The following XYLT1 variants were observed in gnomAD, a reference collection of about 807,000 sequenced individuals.
XYLT1 encodes xylosyltransferase 1.
Under a neutral mutation model 91.3 loss-of-function variants are expected in XYLT1, and 36 were observed. That is an observed-to-expected ratio of 0.39 (90% CI 0.30 to 0.52). XYLT1 has a LOEUF of 0.52. Among genes scored for constraint, XYLT1 ranks in the 20% least tolerant of loss-of-function variants. The pLI is 0.68. For missense variants in XYLT1, 1,242 were observed against 1,284.5 expected, an observed-to-expected ratio of 0.97 and a Z score of 0.51; for synonymous variants, 588 against 532.0, an observed-to-expected ratio of 1.11 and a Z score of -1.45.
chr16:17,385,386 C>G (rs1488050013), intron 1 of XYLT1, among the ~76,000 whole-genome samples: 3 of 151,622 alleles, frequency 2.0e-5, no homozygotes, highest in African/African-American at 4.8e-5. Flanking sequence ...CTTGTGTGCT[C>G]TTTTCAGCTA....
chr16:17,143,018 A>G (rs1055555390), intron 6 of XYLT1, among the ~76,000 whole-genome samples: 2 of 152,146 alleles, frequency 1.3e-5, no homozygotes, highest in African/African-American at 4.8e-5. Context: ...AACTATATAC[A>G]TATAATCATC....
At chr16:17,457,375 C>G (rs1260498509) in intron 1 of XYLT1, among the ~76,000 whole-genome samples, 1 of 152,164 alleles carries the variant, frequency 6.6e-6, no homozygotes, top group Non-Finnish European at 1.5e-5. Flanking sequence ...AATAAACAGT[C>G]AGTTTCCTCC....
rs149785712 is a variant in XYLT1, at chr16:17,224,410, A to G, written c.914-23756T>C. On this transcript the variant is annotated intron_variant, in intron 3 of 11. Coordinates refer to ENST00000261381, the MANE Select transcript of XYLT1 (RefSeq NM_022166.4). The stretch of plus-strand genomic sequence containing the variant: ...TAATCACCCTTTGGGGGCAAGAGCC[A>G]TCTGTGATTTGGCTTGTTTTCTTTC... Among the ~76,000 whole-genome samples, 892 of 152,360 alleles carry G rather than the reference A, an allele frequency of 5.9e-3. 5 individuals are homozygous for G. The highest frequency in any genetic ancestry group is 0.01 in the Non-Finnish European group (703 of 68,026).
At chr16:17,162,884 G>T (rs1458417026) in intron 5 of XYLT1, among the ~76,000 whole-genome samples, 1 of 152,166 alleles carries the variant, frequency 6.6e-6, no homozygotes, top group Non-Finnish European at 1.5e-5. Context: ...GCTCCTCATG[G>T]TTTCTTCTGG....
intron 1 of XYLT1, among the ~76,000 whole-genome samples, chr16:17,364,684 A>G (rs1236394024): frequency 6.6e-6 from 1 of 152,184 alleles, no homozygotes; most frequent in Non-Finnish European, 1.5e-5. Flanking sequence ...CAACGCTGCC[A>G]AGGGAGGTAT....
At chr16:17,234,691 T>C (rs1397662652) in intron 3 of XYLT1, among the ~76,000 whole-genome samples, 1 of 135,110 alleles carries the variant, frequency 7.4e-6, no homozygotes, top group Non-Finnish European at 1.6e-5. Flanking sequence ...CTGAGCCATG[T>C]GATAAAATAA....
chr16:17,415,334 G>A (rs1293148908), intron 1 of XYLT1, among the ~76,000 whole-genome samples: 3 of 152,198 alleles, frequency 2.0e-5, no homozygotes, highest in African/African-American at 7.2e-5. Flanking sequence ...CAACACTGCT[G>A]GAATCCGAGT....
intron 2 of XYLT1, among the ~76,000 whole-genome samples, chr16:17,349,914 C>T (rs2035196485): frequency 6.6e-6 from 1 of 151,880 alleles, no homozygotes; most frequent in South Asian, 2.1e-4. Flanking sequence ...CGCTCTGTTG[C>T]CCAGGCTGGA....
intron 2 of XYLT1, among the ~76,000 whole-genome samples, chr16:17,334,001 T>C (rs2034941797): frequency 6.6e-6 from 1 of 152,148 alleles, no homozygotes; most frequent in Non-Finnish European, 1.5e-5. Context: ...ACAAAAGGTA[T>C]GGAGAGAACT....
At chr16:17,328,383 C>T (rs1756836843) in intron 2 of XYLT1, among the ~76,000 whole-genome samples, 1 of 151,524 alleles carries the variant, frequency 6.6e-6, no homozygotes, top group South Asian at 2.1e-4. Flanking sequence ...CCCGTCTCTA[C>T]TAAAAATACA....
chr16:17,410,556 T>A (rs1224695898), intron 1 of XYLT1, among the ~76,000 whole-genome samples: 1 of 151,994 alleles, frequency 6.6e-6, no homozygotes, highest in Non-Finnish European at 1.5e-5. Context: ...TCCCACTGGG[T>A]TCCTCCCACG....
intron 2 of XYLT1, among the ~76,000 whole-genome samples, chr16:17,306,886 T>C (rs2034478820): frequency 6.6e-6 from 1 of 152,138 alleles, no homozygotes; most frequent in African/African-American, 2.4e-5. Context: ...AGAGGAAGAA[T>C]CTGAGGCCCA....
intron 1 of XYLT1, among the ~76,000 whole-genome samples, chr16:17,433,003 C>T (rs1240021746): frequency 6.6e-6 from 1 of 152,198 alleles, no homozygotes; most frequent in Admixed American, 6.5e-5. Context: ...AAACCCACAG[C>T]CTCCAATCCC....
At chr16:17,247,972 T>G (rs1488452193) in intron 3 of XYLT1, among the ~76,000 whole-genome samples, 1 of 152,140 alleles carries the variant, frequency 6.6e-6, no homozygotes, top group Non-Finnish European at 1.5e-5. Context: ...AGAGAGAGGA[T>G]GTGAGACCTG....
chr16:17,165,247 C>T (rs1025660419), intron 5 of XYLT1, among the ~76,000 whole-genome samples: 4 of 152,108 alleles, frequency 2.6e-5, no homozygotes, highest in African/African-American at 7.2e-5. Flanking sequence ...GAGGTAGATG[C>T]TATTATATTT....
intron 2 of XYLT1, among the ~76,000 whole-genome samples, chr16:17,319,144 CA>C (rs1260224011): frequency 1.3e-5 from 2 of 152,000 alleles, no homozygotes; most frequent in Non-Finnish European, 2.9e-5. Flanking sequence ...TTTTAAGCCT[CA>C]GTTTTCAAGT....
intron 3 of XYLT1, among the ~76,000 whole-genome samples, chr16:17,218,018 C>G (rs1218556792): frequency 2.0e-5 from 3 of 151,696 alleles, no homozygotes; most frequent in African/African-American, 4.8e-5. Flanking sequence ...GCCTGTAATC[C>G]CAGCACTTTG....
chr16:17,379,728 ATCTCTCTCTCTCTC>A lies in XYLT1; in HGVS notation c.364-21692_364-21679del, dbSNP rs71137986. Among the ~76,000 whole-genome samples the A allele has an allele frequency of 6.4e-5, 8 of 125,884 alleles. No homozygotes were observed. The East Asian group carries it at 1.1e-3, about 18-fold the overall frequency. 82.6% of individuals were successfully genotyped at this position (125,884 alleles called of 152,430 possible). A position where few individuals can be genotyped will look rare whatever the true frequency, so the allele number is the denominator to read the frequency against. On this transcript the variant is annotated intron_variant, in intron 1 of 11. Transcript: ENST00000261381. ...TCTCCACATCTATGAAATGAAGGAT[ATCTCTCTCTCTCTC>A]TCTCTCTCTCTCTCTCTCTCTCACA...
At position 17,132,857 on chromosome 16, in the gene XYLT1, C is replaced by T. The variant is rs574666115; in HGVS notation, c.2027+1616G>A. On this transcript the variant is annotated intron_variant, in intron 9 of 11. Transcript: ENST00000261381. ...GGTGGAGGTTGCAGAGATCACATCA[C>T]TGCACTCCAGCTTGGGCAACAGAGT... 1.6e-4 allele frequency among the ~76,000 whole-genome samples: 25 copies of T among 152,296 alleles called. No individual in the cohort carries two copies. In the South Asian group the frequency reaches 4.6e-3, roughly 28 times the overall value.
Sources: gnomAD v4.1 joint callset for allele counts (sites outside exome capture counted in the v4.1 genomes callset) on GRCh38, gnomAD v4.1.1 for gene constraint, MANE v1.5 for transcripts, NCBI Gene and HGNC (gene_info 2026-07-23, HGNC 2026-07-21) for gene names.